TIMELESS: variants seen among roughly 807,000 people sequenced by gnomAD.
The protein encoded by TIMELESS is protein timeless homolog.
A neutral mutation model predicts 164.3 loss-of-function variants in TIMELESS; 124 were observed. The observed-to-expected ratio is 0.75, with a 90% CI of 0.65 to 0.88. TIMELESS has a LOEUF of 0.88. Ranked by LOEUF, TIMELESS falls within the 40% of genes least tolerant of loss-of-function variation. TIMELESS has a pLI of 0.00. For missense variants in TIMELESS, 1,422 were observed against 1,491.4 expected, an observed-to-expected ratio of 0.95 and a Z score of 0.77; for synonymous variants, 564 against 563.4, an observed-to-expected ratio of 1.00 and a Z score of -0.02.
At position 56,430,972 on chromosome 12, in the gene TIMELESS, C is replaced by A. The variant is rs1881857118; in HGVS notation, c.822-4G>T. ...GGAGCCCCCAAATCGAGAATGCCTG[C>A]AGAAACAAAAAGGTCCAAGGTGATT... On this transcript the variant is annotated splice_region_variant and splice_polypyrimidine_tract_variant and intron_variant, in intron 8 of 28. Transcript: ENST00000553532. 6.4e-7 allele frequency: 1 copy of A among 1,571,050 alleles called. No homozygotes were observed. Among genetic ancestry groups the A allele is most frequent in the Non-Finnish European group, 8.6e-7 (1 of 1,162,170 alleles).
intron 1 of TIMELESS, among the ~76,000 whole-genome samples, chr12:56,439,080 C>T (rs896510914): frequency 1.2e-4 from 16 of 136,442 alleles, no homozygotes; most frequent in Admixed American, 1.1e-3. Context: ...GCAGGAGAAT[C>T]GCTTGAGCCC....
intron 7 of TIMELESS, 148 bp downstream of exon 7, chr12:56,432,221 A>G: frequency 1.2e-6 from 1 of 810,932 alleles, no homozygotes. Flanking sequence ...ACCATGAATA[A>G]GGGGGTACTA....
At position 56,429,070 on chromosome 12, in the gene TIMELESS, G is replaced by A. The variant is rs1225379424; in HGVS notation, c.1117C>T (p.His373Tyr). ...GCCCACATATAATAGGTCTCATCATGCTGCTGAGCTTTCTCCCGAAGCAGG... is the reference window on the plus strand; with the variant it reads ...GCCCACATATAATAGGTCTCATCATACTGCTGAGCTTTCTCCCGAAGCAGG... Reference protein sequence around the residue: ...DHLLREKAQQHDETYYMWALA... With the variant: ...DHLLREKAQQYDETYYMWALA... Residue 373 changes from histidine (H) to tyrosine (Y), a missense_variant, in exon 11 of 29, where the codon CAT (histidine) becomes TAT (tyrosine). Physicochemically the swap from His to Tyr is moderately conservative, Grantham distance 83. Transcript: ENST00000553532. 6.2e-7 allele frequency: 1 copy of A among 1,613,940 alleles called. No individual in the cohort carries two copies.
Position 56,418,955 on chromosome 12 carries a change from C to G in TIMELESS, c.3229-596G>C, listed in dbSNP as rs148093435. ...ATGATCCTTGCTATCAAATAACTCA[C>G]AATCCAATGGGAAAAAGAACAAATG... is the stretch of plus-strand genomic sequence containing the variant. On this transcript the variant is annotated intron_variant, in intron 26 of 28. Transcript: ENST00000553532. 9.9e-3 allele frequency among the ~76,000 whole-genome samples: 1,490 copies of G among 150,474 alleles called. 16 individuals are homozygous for G. The highest frequency in any genetic ancestry group is 0.017 in the Non-Finnish European group (1,141 of 67,732).
intron 9 of TIMELESS, among the ~76,000 whole-genome samples, chr12:56,430,677 T>A (rs1466779637): frequency 6.7e-6 from 1 of 149,234 alleles, no homozygotes; most frequent in Non-Finnish European, 1.5e-5. Context: ...TTTAATTTAA[T>A]TTTTTTTTTA....
At chr12:56,436,379 G>A (rs1210670539) in intron 1 of TIMELESS, among the ~76,000 whole-genome samples, 4 of 152,008 alleles carry the variant, frequency 2.6e-5, no homozygotes, top group Non-Finnish European at 5.9e-5. Flanking sequence ...GCTTTAACCC[G>A]GGAGGCAGAG....
chr12:56,441,279 A>T (rs190711482), intron 1 of TIMELESS, among the ~76,000 whole-genome samples: 1 of 152,226 alleles, frequency 6.6e-6, no homozygotes, highest in South Asian at 2.1e-4. Context: ...TTACCAAGAC[A>T]GTTTGAGAAG....
intron 26 of TIMELESS, among the ~76,000 whole-genome samples, chr12:56,418,773 G>T (rs1881357252): frequency 6.6e-6 from 1 of 151,432 alleles, no homozygotes; most frequent in South Asian, 2.1e-4. Flanking sequence ...TAGAGACAGG[G>T]TCTTGCTGTG....
intron 1 of TIMELESS, among the ~76,000 whole-genome samples, chr12:56,445,809 T>A (rs1234279269): frequency 2.0e-5 from 3 of 152,188 alleles, no homozygotes; most frequent in Admixed American, 1.3e-4. Context: ...TCAGTTGCTG[T>A]CTATCCTTCT....
At chr12:56,422,819 A>ACC in intron 19 of TIMELESS, 28 bp downstream of exon 19, 2 of 862,620 alleles carry the variant, frequency 2.3e-6, no homozygotes, top group African/African-American at 1.8e-5. Context: ...CCCTACCCCC[A>ACC]CCCACCCTTT....
At chr12:56,431,354 C>CA (rs11366728) in intron 8 of TIMELESS, 117 bp downstream of exon 8, 111,039 of 814,638 alleles carry the variant, frequency 0.14, 218 homozygotes, top group Non-Finnish European at 0.14. Flanking sequence ...AATTCTGTCT[C>CA]AAAAAAAAAA....
chr12:56,437,418 T>C (rs1177796451), intron 1 of TIMELESS, among the ~76,000 whole-genome samples: 1 of 117,358 alleles, frequency 8.5e-6, no homozygotes, highest in African/African-American at 3.1e-5. Flanking sequence ...AATGATTTTA[T>C]AGCTTTTTTT....
intron 8 of TIMELESS, among the ~76,000 whole-genome samples, chr12:56,431,264 G>A (rs987498380): frequency 6.7e-5 from 10 of 150,084 alleles, no homozygotes; most frequent in African/African-American, 2.5e-4. Context: ...TGAGGCAGGA[G>A]AATCGCTTGA....
At chr12:56,419,345 AGTGATTATTTTTACTTCAGGG>A (rs1356353691) in intron 26 of TIMELESS, among the ~76,000 whole-genome samples, 4 of 152,114 alleles carry the variant, frequency 2.6e-5, no homozygotes, top group Non-Finnish European at 5.9e-5. Flanking sequence ...CAGCTGCAAA[AGTGATTATTTTTACTTCAGGG>A]GTTGAAAGAA....
At position 56,418,202 on chromosome 12, in the gene TIMELESS, TG is replaced by T. The variant is rs1881334759; in HGVS notation, c.3385del (p.His1129ThrfsTer6). On this transcript the variant is annotated frameshift_variant, in exon 27 of 29. Transcript: ENST00000553532. LOFTEE classifies it high-confidence loss of function. ...QGSDEEHCKEHRAQALRALLL... is the reference protein window; with the variant it reads ...QGSDEEHCKEXRAQALRALLL... ...GAGGGCCCTCAGGGCTTGTGCTCGG[TG>T]CTCTTTACAGTGCTCCTCATCAGAG... The T allele has an allele frequency of 6.2e-7, 1 of 1,614,074 alleles. No homozygotes were observed.
At position 56,418,864 on chromosome 12, in the gene TIMELESS, G is replaced by C. The variant is rs192019519; in HGVS notation, c.3229-505C>G. ...TTACAGGCATGAGCCACTACACCTG[G>C]CTATAGTTGTCAATTGAATAAATAA... On this transcript the variant is annotated intron_variant, in intron 26 of 28. Transcript: ENST00000553532. 4.2e-3 allele frequency among the ~76,000 whole-genome samples: 637 copies of C among 151,858 alleles called. 4 individuals are homozygous for C. The highest frequency in any genetic ancestry group is 7.3e-3 in the Non-Finnish European group (495 of 67,954).
In TIMELESS at chr12:56,447,182, GTTTT is replaced by G. The variant is rs144004569; in HGVS notation, c.-62+2124_-62+2127del. ...ATGCCACCATACCCAGCTAATTTTT[GTTTT>G]TTTTTTTTTTTTTTTTTTTTTTTAG... On this transcript the variant is annotated intron_variant, in intron 1 of 28. Coordinates refer to ENST00000553532, the MANE Select transcript of TIMELESS (RefSeq NM_003920.5). Among the ~76,000 whole-genome samples the G allele has an allele frequency of 5.5e-3, 495 of 89,280 alleles. 11 individuals are homozygous for G. Among genetic ancestry groups the G allele is most frequent in the African/African-American group, 0.017 (476 of 27,384 alleles). The allele number at this position is 89,280 out of a possible 152,430, so 58.6% of individuals were successfully genotyped here. A position where few individuals can be genotyped will look rare whatever the true frequency, so the allele number is the denominator to read the frequency against.
Position 56,417,562 on chromosome 12 carries a change from C to A in TIMELESS, c.*154G>T, listed in dbSNP as rs1881305026. The A allele has an allele frequency of 2.9e-6, 2 of 688,114 alleles. No homozygotes were observed. Among genetic ancestry groups the A allele is most frequent in the Non-Finnish European group, 2.5e-6 (1 of 403,692 alleles). The allele number at this position is 688,114 out of a possible 1,614,324, so 42.6% of individuals were successfully genotyped here. A position where few individuals can be genotyped will look rare whatever the true frequency, so the allele number is the denominator to read the frequency against. On this transcript the variant is annotated 3_prime_UTR_variant, in exon 29 of 29. Transcript: ENST00000553532. The stretch of plus-strand genomic sequence containing the variant: ...ACAGCAGAGAAGTCCAATACTGCTG[C>A]TGAAGTTTCTCAGCCTAAATCCGTG...
intron 7 of TIMELESS, among the ~76,000 whole-genome samples, chr12:56,431,814 TCATATATA>T (rs1323092756): frequency 6.6e-6 from 1 of 151,518 alleles, no homozygotes; most frequent in East Asian, 2.0e-4. Context: ...ATGTATATAT[TCATATATA>T]CATATATATA....
Sources: gnomAD v4.1 joint callset for allele counts (sites outside exome capture counted in the v4.1 genomes callset) on GRCh38, gnomAD v4.1.1 for gene constraint, MANE v1.5 for transcripts, NCBI Gene and HGNC (gene_info 2026-07-23, HGNC 2026-07-21) for gene names.